Variants in CSRNP3 observed in about 807,000 individuals in gnomAD.
CSRNP3 encodes the protein cysteine/serine-rich nuclear protein 3.
Under a neutral mutation model 48.0 loss-of-function variants are expected in CSRNP3, and 12 were observed. That is an observed-to-expected ratio of 0.25 (90% CI 0.16 to 0.41). The LOEUF (loss-of-function observed/expected upper bound fraction) is 0.41. Among genes scored for constraint, CSRNP3 ranks in the 10% least tolerant of loss-of-function variants. The probability of loss-of-function intolerance (pLI) is 1.00; values close to 1 mark genes in which losing one functional copy is unlikely to be tolerated. For synonymous variants in CSRNP3, 263 were observed against 269.7 expected (o/e 0.98, Z 0.24); for missense variants, 580 against 724.4 (o/e 0.80, Z 2.29).
At chr2:165,556,251 T>C (rs1409529981) in intron 3 of CSRNP3, among the ~76,000 whole-genome samples, 1 of 152,124 alleles carries the variant, frequency 6.6e-6, no homozygotes. Flanking sequence ...ATAGTGTTAT[T>C]GGACTAAGAT....
At chr2:165,574,619 G>A (rs1685419891) in intron 3 of CSRNP3, among the ~76,000 whole-genome samples, 1 of 151,942 alleles carries the variant, frequency 6.6e-6, no homozygotes, top group Non-Finnish European at 1.5e-5. Flanking sequence ...TGTTCCAATA[G>A]AATAATTTCA....
chr2:165,544,293 C>T (rs1453338106), intron 3 of CSRNP3, among the ~76,000 whole-genome samples: 1 of 152,102 alleles, frequency 6.6e-6, no homozygotes, highest in East Asian at 1.9e-4. Context: ...GAGCAAGCCT[C>T]CTTCTTCACA....
chr2:165,601,632 A>G (rs1253824667), intron 4 of CSRNP3, among the ~76,000 whole-genome samples: 1 of 152,002 alleles, frequency 6.6e-6, no homozygotes, highest in African/African-American at 2.4e-5. Context: ...CTAAGATACA[A>G]TCTGTTTGCT....
rs1172405678 is a variant in CSRNP3 at position 165,681,901 on chromosome 2, C to G, written c.*2148C>G. 2 of 150,582 alleles carry G rather than the reference C, an allele frequency of 1.3e-5. No individual in the cohort carries two copies. The highest frequency in any genetic ancestry group is 3.0e-5 in the Non-Finnish European group (2 of 67,788). 9.3% of individuals were successfully genotyped at this position (150,582 alleles called of 1,614,324 possible). On this transcript the variant is annotated 3_prime_UTR_variant, in exon 7 of 7. Coordinates refer to ENST00000651982, the MANE Select transcript of CSRNP3 (RefSeq NM_001172173.2). ...CTTAATCTCCAAAATTTTCCCCCTA[C>G]TGATACAATCTAAAGAGCACAGGCC...
intron 2 of CSRNP3, among the ~76,000 whole-genome samples, chr2:165,502,288 C>A (rs1684368636): frequency 6.6e-6 from 1 of 151,728 alleles, no homozygotes; most frequent in African/African-American, 2.4e-5. Context: ...TTTATAAAAT[C>A]TTAAATACGT....
At chr2:165,623,453 C>G (rs1468866306) in intron 4 of CSRNP3, among the ~76,000 whole-genome samples, 1 of 152,156 alleles carries the variant, frequency 6.6e-6, no homozygotes, top group African/African-American at 2.4e-5. Flanking sequence ...CATCCCTCCC[C>G]AGTCCGTGGA....
intron 4 of CSRNP3, 132 bp downstream of exon 4, chr2:165,595,345 A>C: frequency 1.2e-6 from 1 of 821,116 alleles, no homozygotes. Flanking sequence ...ACACTTACCC[A>C]AAAATGAAAT....
intron 4 of CSRNP3, among the ~76,000 whole-genome samples, chr2:165,603,484 A>G (rs893422181): frequency 1.2e-4 from 18 of 152,290 alleles, no homozygotes; most frequent in African/African-American, 4.1e-4. Context: ...CCAGTATTAC[A>G]AATTCAGATC....
chr2:165,624,884 G>A lies in CSRNP3; in HGVS notation c.148+29671G>A, dbSNP rs116359870. On this transcript the variant is annotated intron_variant, in intron 4 of 6. Coordinates refer to ENST00000651982, the MANE Select transcript of CSRNP3 (RefSeq NM_001172173.2). Reference sequence around the variant, plus strand: ...TTTCTCATTTTACAAAGAGGAAACAGGCAGAGAGAGGGTAAGAAGCCCGCG... The same window carrying A: ...TTTCTCATTTTACAAAGAGGAAACAAGCAGAGAGAGGGTAAGAAGCCCGCG... 6.3e-3 allele frequency among the ~76,000 whole-genome samples: 960 copies of A among 152,312 alleles called. 9 individuals are homozygous for A. Among genetic ancestry groups the A allele is most frequent in the African/African-American group, 0.022 (927 of 41,566 alleles).
At chr2:165,668,185 A>G (rs1385153718) in intron 5 of CSRNP3, among the ~76,000 whole-genome samples, 4 of 152,144 alleles carry the variant, frequency 2.6e-5, no homozygotes, top group African/African-American at 7.2e-5. Flanking sequence ...TAAATAAGTT[A>G]AAAGTCAGCT....
At chr2:165,652,153 A>T (rs1315585101) in intron 4 of CSRNP3, among the ~76,000 whole-genome samples, 1 of 152,202 alleles carries the variant, frequency 6.6e-6, no homozygotes, top group Non-Finnish European at 1.5e-5. Context: ...TGTTGTATAT[A>T]GACACTTTTG....
chr2:165,601,415 A>G (rs184646766), intron 4 of CSRNP3, among the ~76,000 whole-genome samples: 1 of 152,342 alleles, frequency 6.6e-6, no homozygotes, highest in Admixed American at 6.5e-5. Flanking sequence ...TCAGGAAGTA[A>G]AAGGATACAC....
At chr2:165,483,145 C>G (rs1447870213) in intron 1 of CSRNP3, among the ~76,000 whole-genome samples, 1 of 151,752 alleles carries the variant, frequency 6.6e-6, no homozygotes, top group Non-Finnish European at 1.5e-5. Flanking sequence ...TACCTAGGCT[C>G]TGGGCAGGGC....
In CSRNP3 at chr2:165,600,010, G is replaced by A. The variant is rs533712016; in HGVS notation, c.148+4797G>A. Among the ~76,000 whole-genome samples, 40 of 148,592 alleles carry A rather than the reference G, an allele frequency of 2.7e-4. 1 individual carries two copies. The South Asian group carries it at 5.5e-3, about 20-fold the overall frequency. ...AGGTTAGTTACATATGTATACATGT[G>A]CCATGCTGGTGTGCTGCACCCATTA... On this transcript the variant is annotated intron_variant, in intron 4 of 6. Transcript: ENST00000651982.
intron 1 of CSRNP3, among the ~76,000 whole-genome samples, chr2:165,485,192 G>T (rs568796983): frequency 2.6e-5 from 4 of 152,168 alleles, no homozygotes; most frequent in African/African-American, 9.6e-5. Context: ...TTTTGTGTTT[G>T]CTTAGATACA....
chr2:165,671,234 C>T (rs1687323138), intron 5 of CSRNP3, among the ~76,000 whole-genome samples: 1 of 152,078 alleles, frequency 6.6e-6, no homozygotes, highest in Non-Finnish European at 1.5e-5. Context: ...AAAGTCTGAA[C>T]ATTTAATGAT....
At chr2:165,675,390 C>T (rs1188267459) in intron 5 of CSRNP3, among the ~76,000 whole-genome samples, 1 of 152,102 alleles carries the variant, frequency 6.6e-6, no homozygotes, top group African/African-American at 2.4e-5. Flanking sequence ...CTATGCTGCT[C>T]CTCAGGGTAG....
chr2:165,518,549 A>G (rs1426632874), intron 3 of CSRNP3, among the ~76,000 whole-genome samples: 1 of 152,010 alleles, frequency 6.6e-6, no homozygotes, highest in Admixed American at 6.6e-5. Context: ...GAATAAGCCT[A>G]CCCATTATTA....
intron 1 of CSRNP3, among the ~76,000 whole-genome samples, chr2:165,471,830 G>A (rs1477962563): frequency 1.3e-5 from 2 of 151,778 alleles, no homozygotes; most frequent in African/African-American, 2.4e-5. Context: ...TAGAGAGAGA[G>A]AGAGAATGTG....
Sources: allele counts gnomAD v4.1 joint callset (sites outside exome capture counted in the v4.1 genomes callset), GRCh38; gene constraint gnomAD v4.1.1; transcripts MANE v1.5; gene names NCBI Gene and HGNC (gene_info 2026-07-23, HGNC 2026-07-21).